Variants in MAP7 observed in about 807,000 individuals in gnomAD.
The protein encoded by MAP7 is ensconsin.
A neutral mutation model predicts 94.8 loss-of-function variants in MAP7; 52 were observed. That is an observed-to-expected ratio of 0.55 (90% CI 0.44 to 0.69). MAP7 has a LOEUF of 0.69. MAP7 is among the 30% of genes least tolerant of loss of function. The pLI, the probability that MAP7 is intolerant of heterozygous loss-of-function variation, is 0.00. For synonymous variants in MAP7, 350 were observed against 357.0 expected (o/e 0.98, Z 0.22); for missense variants, 940 against 964.6 (o/e 0.97, Z 0.34).
chr6:136,506,837 C>A (rs1051061296), intron 1 of MAP7, among the ~76,000 whole-genome samples: 1 of 152,184 alleles, frequency 6.6e-6, no homozygotes, highest in Admixed American at 6.5e-5. Flanking sequence ...GCACCTGTAA[C>A]AATAGCTGAG....
rs536479318 is a variant in MAP7 at position 136,422,295 on chromosome 6, T to C, written c.68-496A>G. Among the ~76,000 whole-genome samples the C allele has an allele frequency of 3.3e-5, 5 of 152,340 alleles. No individual in the cohort carries two copies. In the South Asian group the frequency reaches 6.2e-4, roughly 19 times the overall value. Reference sequence around the variant, plus strand: ...CTGAATATTATGTAACAGCAGACCATGGAAATCGAAAAGACTTCAACGTAT... The same window carrying C: ...CTGAATATTATGTAACAGCAGACCACGGAAATCGAAAAGACTTCAACGTAT... On this transcript the variant is annotated intron_variant, in intron 1 of 17. Coordinates refer to ENST00000354570, the MANE Select transcript of MAP7 (RefSeq NM_003980.6).
intron 16 of MAP7, among the ~76,000 whole-genome samples, chr6:136,354,556 T>C (rs942743533): frequency 6.6e-6 from 1 of 150,962 alleles, no homozygotes; most frequent in Non-Finnish European, 1.5e-5. Context: ...GGCTTATTCT[T>C]ATATTCTGAT....
chr6:136,355,583 T>A (rs954574844), intron 16 of MAP7, among the ~76,000 whole-genome samples: 3 of 152,202 alleles, frequency 2.0e-5, no homozygotes, highest in African/African-American at 7.2e-5. Context: ...AAAATTACAT[T>A]ATAAAATTAC....
intron 3 of MAP7, among the ~76,000 whole-genome samples, chr6:136,395,691 T>A (rs568919056): frequency 6.6e-6 from 1 of 152,320 alleles, no homozygotes; most frequent in African/African-American, 2.4e-5. Context: ...TAGTTTCAGG[T>A]TACATTGTAG....
chr6:136,469,633 G>A lies in MAP7; in HGVS notation c.68-47834C>T, dbSNP rs567547792. 5.9e-5 allele frequency among the ~76,000 whole-genome samples: 9 copies of A among 152,164 alleles called. No homozygotes were observed. The South Asian group carries it at 8.3e-4, about 14-fold the overall frequency. On this transcript the variant is annotated intron_variant, in intron 1 of 17. Coordinates refer to ENST00000354570, the MANE Select transcript of MAP7 (RefSeq NM_003980.6). ...AACTCCTGGCTCAAGCAACCCTCCC[G>A]TGTCGGCCTCCCAAAGTGCTGGGAT...
intron 1 of MAP7, among the ~76,000 whole-genome samples, chr6:136,467,907 G>C (rs1450935455): frequency 2.0e-5 from 3 of 152,176 alleles, no homozygotes; most frequent in African/African-American, 4.8e-5. Context: ...TGAGCAGTTG[G>C]ACCTGACCCA....
chr6:136,358,881 G>GT (rs1562307311), intron 15 of MAP7, among the ~76,000 whole-genome samples: 1 of 152,124 alleles, frequency 6.6e-6, no homozygotes, highest in Admixed American at 6.5e-5. Context: ...CCCCAGCTGC[G>GT]TAAGCCTGGC....
chr6:136,446,666 A>AATGAG (rs1799462545), intron 1 of MAP7, among the ~76,000 whole-genome samples: 3 of 152,180 alleles, frequency 2.0e-5, no homozygotes, highest in Admixed American at 2.0e-4. Flanking sequence ...CAGGAATCTC[A>AATGAG]TTCACATACA....
intron 16 of MAP7, among the ~76,000 whole-genome samples, chr6:136,349,679 A>G (rs1432249756): frequency 1.3e-5 from 2 of 152,112 alleles, no homozygotes; most frequent in East Asian, 3.9e-4. Flanking sequence ...GCATATTCAC[A>G]TATTTCTGTA....
At chr6:136,361,644 C>T (rs1201436480) in intron 11 of MAP7, among the ~76,000 whole-genome samples, 1 of 152,176 alleles carries the variant, frequency 6.6e-6, no homozygotes, top group African/African-American at 2.4e-5. Flanking sequence ...GGCGGTCCAG[C>T]GAGTGCATGA....
chr6:136,478,189 G>A (rs1419543774), intron 1 of MAP7, among the ~76,000 whole-genome samples: 1 of 152,098 alleles, frequency 6.6e-6, no homozygotes, highest in Non-Finnish European at 1.5e-5. Flanking sequence ...CAAAAAAGCT[G>A]AAAAACTTCA....
At chr6:136,352,455 G>A (rs1256808278) in intron 16 of MAP7, among the ~76,000 whole-genome samples, 2 of 152,008 alleles carry the variant, frequency 1.3e-5, no homozygotes, top group East Asian at 1.9e-4. Flanking sequence ...CAAAGGGCTG[G>A]GATCACAGGT....
At chr6:136,505,277 G>GTGTGTATATATA (rs1465266004) in intron 1 of MAP7, among the ~76,000 whole-genome samples, 4 of 53,830 alleles carry the variant, frequency 7.4e-5, no homozygotes, top group African/African-American at 3.2e-4. Context: ...GTGTGTGTGT[G>GTGTGTATATATA]TATATATATA....
chr6:136,406,428 C>A (rs985212265), intron 3 of MAP7, among the ~76,000 whole-genome samples: 1 of 152,198 alleles, frequency 6.6e-6, no homozygotes, highest in Non-Finnish European at 1.5e-5. Flanking sequence ...CACCCATAAA[C>A]AAAGCACAAG....
intron 1 of MAP7, among the ~76,000 whole-genome samples, chr6:136,495,998 T>C (rs183148502): frequency 6.6e-6 from 1 of 152,264 alleles, no homozygotes; most frequent in South Asian, 2.1e-4. Flanking sequence ...TGTGGAACAA[T>C]TAAAATAATA....
At chr6:136,400,154 C>T (rs906081088) in intron 3 of MAP7, among the ~76,000 whole-genome samples, 2 of 152,076 alleles carry the variant, frequency 1.3e-5, no homozygotes, top group South Asian at 2.1e-4. Flanking sequence ...TGGTGGCTCA[C>T]GCCTGTAATC....
intron 1 of MAP7, among the ~76,000 whole-genome samples, chr6:136,484,423 T>C (rs1056286162): frequency 6.6e-6 from 1 of 152,168 alleles, no homozygotes; most frequent in African/African-American, 2.4e-5. Context: ...AAGAGTCCCA[T>C]TTCTCTCTGC....
At chr6:136,536,331 T>G (rs1157205741) in intron 1 of MAP7, among the ~76,000 whole-genome samples, 1 of 152,104 alleles carries the variant, frequency 6.6e-6, no homozygotes, top group Non-Finnish European at 1.5e-5. Flanking sequence ...ATGAAAAAAT[T>G]AACATCTCAA....
chr6:136,526,100 G>T (rs1303892675), intron 1 of MAP7: 23 of 1,374,404 alleles, frequency 1.7e-5, no homozygotes, highest in Non-Finnish European at 2.1e-5. Context: ...TCCCCTATGG[G>T]TAAACAGTTT....
Sources: allele counts gnomAD v4.1 joint callset (sites outside exome capture counted in the v4.1 genomes callset), GRCh38; gene constraint gnomAD v4.1.1; transcripts MANE v1.5; gene names NCBI Gene and HGNC (gene_info 2026-07-23, HGNC 2026-07-21).